Variants in SOX4 observed in about 807,000 individuals in gnomAD.
The protein encoded by SOX4 is SRY-box transcription factor 4, also known as transcription factor SOX-4.
For missense variants in SOX4, 662 were observed against 694.9 expected, an observed-to-expected ratio of 0.95 and a Z score of 0.53; for synonymous variants, 465 against 348.4, an observed-to-expected ratio of 1.33 and a Z score of -3.73.
rs144047729 is a variant in SOX4, at chr6:21,594,729, C to T, written c.195C>T (p.Ala65=). ...GGCACATCAAGCGACCCATGAACGCCTTCATGGTGTGGTCGCAGATCGAGC... is the reference window on the plus strand; with the variant it reads ...GGCACATCAAGCGACCCATGAACGCTTTCATGGTGTGGTCGCAGATCGAGC... The part of the protein sequence containing the change: ...PSGHIKRPMN[A]FMVWSQIERR... Residue 65 remains alanine (A), a synonymous_variant, in exon 1 of 1, where the codon GCC becomes GCT. Coordinates refer to ENST00000244745, the MANE Select transcript of SOX4 (RefSeq NM_003107.3). 8.8e-6 allele frequency: 14 copies of T among 1,595,786 alleles called. No homozygotes were observed. In the African/African-American group the frequency reaches 1.3e-4, roughly 15 times the overall value.
rs749184422 is a variant in SOX4, at chr6:21,594,683, G to C, written c.149G>C (p.Ser50Thr). 6.3e-7 allele frequency: 1 copy of C among 1,598,886 alleles called. No homozygotes were observed. The highest frequency in any genetic ancestry group is 8.5e-7 in the Non-Finnish European group (1 of 1,173,182). Residue 50 changes from serine to threonine, a missense_variant, in exon 1 of 1, where the codon AGC (serine) becomes ACC (threonine). Physicochemically the swap from Ser to Thr is moderately conservative, Grantham distance 58. Coordinates refer to ENST00000244745, the MANE Select transcript of SOX4 (RefSeq NM_003107.3). Reference protein sequence around the residue: ...ASTGGKADDPSWCKTPSGHIK... With the variant: ...ASTGGKADDPTWCKTPSGHIK... The stretch of plus-strand genomic sequence containing the variant: ...ACGGGCGGCAAGGCCGACGACCCGA[G>C]CTGGTGCAAGACCCCGAGTGGGCAC...
At position 21,594,431 on chromosome 6, in the gene SOX4, C is replaced by A; in HGVS notation, c.-104C>A. 1 of 1,307,926 alleles carries A rather than the reference C, an allele frequency of 7.6e-7. No homozygotes were observed. Among genetic ancestry groups the A allele is most frequent in the African/African-American group, 1.6e-5 (1 of 64,418 alleles). The allele number at this position is 1,307,926 out of a possible 1,614,324, so 81.0% of individuals were successfully genotyped here. A position where few individuals can be genotyped will look rare whatever the true frequency, so the allele number is the denominator to read the frequency against. ...CCAGTTCGGCCGCCGCGCGCGTCTT[C>A]CCGTTCGGCGTGTGCTTGGCCCGGG... On this transcript the variant is annotated 5_prime_UTR_variant, in exon 1 of 1. Coordinates refer to ENST00000244745, the MANE Select transcript of SOX4 (RefSeq NM_003107.3).
In SOX4 at chr6:21,595,343, C is replaced by A; in HGVS notation, c.809C>A (p.Ser270Tyr). 6.6e-7 allele frequency: 1 copy of A among 1,510,264 alleles called. No individual in the cohort carries two copies. The highest frequency in any genetic ancestry group is 8.8e-7 in the Non-Finnish European group (1 of 1,137,594). The allele number at this position is 1,510,264 out of a possible 1,614,324, so 93.6% of individuals were successfully genotyped here. The part of the protein sequence containing the change: ...YKARTPSASA[S>Y]ASSAASASAA... The stretch of plus-strand genomic sequence containing the variant: ...GCGCGGACTCCCAGCGCCTCGGCCT[C>A]CGCCTCCTCGGCAGCCTCGGCCTCC... The change falls in exon 1 of 1, where the codon TCC becomes TAC. Residue 270 changes from serine (S) to tyrosine (Y), a missense_variant. Physicochemically the swap from Ser to Tyr is moderately radical, Grantham distance 144 (BLOSUM62 -2). Transcript: ENST00000244745.
At position 21,595,009 on chromosome 6, in the gene SOX4, G is replaced by A. The variant is rs781461908; in HGVS notation, c.475G>A (p.Gly159Ser). The A allele has an allele frequency of 8.5e-6, 13 of 1,523,700 alleles. No homozygotes were observed. The highest frequency in any genetic ancestry group is 2.1e-5 in the Admixed American group (1 of 48,226). The allele number at this position is 1,523,700 out of a possible 1,614,324, so 94.4% of individuals were successfully genotyped here. ...SKPGEKGDKV[G>S]GSGGGGHGGG... ...GCCGGGGGAGAAGGGAGACAAGGTC[G>A]GTGGCAGTGGCGGGGGCGGCCATGG... is the stretch of plus-strand genomic sequence containing the variant. Residue 159 changes from glycine (G) to serine (S), a missense_variant, in exon 1 of 1, where the codon GGT becomes AGT. Transcript: ENST00000244745.
Position 21,596,016 on chromosome 6 carries a change from G to GA in SOX4, c.*64dup, listed in dbSNP as rs1763144297. 4.9e-6 allele frequency: 7 copies of GA among 1,428,674 alleles called. No individual in the cohort carries two copies. The highest frequency in any genetic ancestry group is 3.1e-5 in the Admixed American group (1 of 32,778). The allele number at this position is 1,428,674 out of a possible 1,614,324, so 88.5% of individuals were successfully genotyped here. ...GGGTAGGAGAGGAGAAAAAAAAAGT[G>GA]AAAAAAAGAAACGAAAAGGACAGAC... On this transcript the variant is annotated 3_prime_UTR_variant, in exon 1 of 1. Coordinates refer to ENST00000244745, the MANE Select transcript of SOX4 (RefSeq NM_003107.3).
Position 21,595,259 on chromosome 6 carries a change from C to CG in SOX4, c.730dup (p.Ala244GlyfsTer172). 7.6e-7 allele frequency: 1 copy of CG among 1,312,068 alleles called. No individual in the cohort carries two copies. Among genetic ancestry groups the CG allele is most frequent in the Non-Finnish European group, 9.7e-7 (1 of 1,034,828 alleles). The allele number at this position is 1,312,068 out of a possible 1,614,324, so 81.3% of individuals were successfully genotyped here. A position where few individuals can be genotyped will look rare whatever the true frequency, so the allele number is the denominator to read the frequency against. On this transcript the variant is annotated frameshift_variant, in exon 1 of 1. Coordinates refer to ENST00000244745, the MANE Select transcript of SOX4 (RefSeq NM_003107.3). LOFTEE classifies it low-confidence loss of function (END_TRUNC). ...GCCGCCTCCTTCGCCGCCGAACAGG[C>CG]GGGGGCCGCCGCCCTGCTGCCCCTG... is the stretch of plus-strand genomic sequence containing the variant.
rs1014196995 is a variant in SOX4, at chr6:21,595,067, G to C, written c.533G>C (p.Gly178Ala). The C allele has an allele frequency of 6.3e-5, 89 of 1,417,974 alleles. No individual in the cohort carries two copies. The highest frequency in any genetic ancestry group is 8.1e-5 in the Non-Finnish European group (88 of 1,092,666). 87.8% of individuals were successfully genotyped at this position (1,417,974 alleles called of 1,614,324 possible). A position where few individuals can be genotyped will look rare whatever the true frequency, so the allele number is the denominator to read the frequency against. The change falls in exon 1 of 1, where the codon GGG becomes GCG. Residue 178 changes from glycine to alanine, a missense_variant. Coordinates refer to ENST00000244745, the MANE Select transcript of SOX4 (RefSeq NM_003107.3). ...GGCGGCGGCGGGAGCAGCAACGCGGGGGGAGGAGGCGGCGGTGCGAGTGGC... is the reference window on the plus strand; with the variant it reads ...GGCGGCGGCGGGAGCAGCAACGCGGCGGGAGGAGGCGGCGGTGCGAGTGGC... ...GGGGGGSSNAGGGGGGASGGG... is the reference protein window; with the variant it reads ...GGGGGGSSNAAGGGGGASGGG...
In SOX4 at chr6:21,594,137, A is replaced by T; in HGVS notation, c.-398A>T. ...CTTCAGGGAAAAAGAAAAAAAAAAA[A>T]AAAAGACTTGCCTGGGAGGCCGCGA... On this transcript the variant is annotated 5_prime_UTR_variant, in exon 1 of 1. Coordinates refer to ENST00000244745, the MANE Select transcript of SOX4 (RefSeq NM_003107.3). 1 of 169,660 alleles carries T rather than the reference A, an allele frequency of 5.9e-6. No individual in the cohort carries two copies. 10.5% of individuals were successfully genotyped at this position (169,660 alleles called of 1,614,324 possible).
At position 21,595,237 on chromosome 6, in the gene SOX4, G is replaced by T; in HGVS notation, c.703G>T (p.Ala235Ser). 1 of 1,245,538 alleles carries T rather than the reference G, an allele frequency of 8.0e-7. No homozygotes were observed. The highest frequency in any genetic ancestry group is 1.0e-6 in the Non-Finnish European group (1 of 999,672). 77.2% of individuals were successfully genotyped at this position (1,245,538 alleles called of 1,614,324 possible). A position where few individuals can be genotyped will look rare whatever the true frequency, so the allele number is the denominator to read the frequency against. The change falls in exon 1 of 1, where the codon GCC becomes TCC. Residue 235 changes from alanine to serine, a missense_variant. Transcript: ENST00000244745. ...CGGGAAAGCAGCGGCTGCCGCCGCC[G>T]CCTCCTTCGCCGCCGAACAGGCGGG... is the stretch of plus-strand genomic sequence containing the variant. ...GGGKAAAAAA[A>S]SFAAEQAGAA... is the part of the protein sequence containing the mutation.
Position 21,595,440 on chromosome 6 carries a change from G to C in SOX4, c.906G>C (p.Leu302=). Residue 302 remains leucine (L), a synonymous_variant, in exon 1 of 1, where the codon CTG becomes CTC. Coordinates refer to ENST00000244745, the MANE Select transcript of SOX4 (RefSeq NM_003107.3). The part of the protein sequence containing the change: ...KVKRVYLFGG[L]GTSSSPVGGV... Reference sequence around the variant, plus strand: ...AGCGCGTCTACCTGTTCGGCGGCCTGGGCACGTCGTCGTCGCCCGTGGGCG... The same window carrying C: ...AGCGCGTCTACCTGTTCGGCGGCCTCGGCACGTCGTCGTCGCCCGTGGGCG... 2 of 1,513,344 alleles carry C rather than the reference G, an allele frequency of 1.3e-6. No individual in the cohort carries two copies. The highest frequency in any genetic ancestry group is 2.0e-5 in the Admixed American group (1 of 49,176). 93.7% of individuals were successfully genotyped at this position (1,513,344 alleles called of 1,614,324 possible).
In SOX4 at chr6:21,595,806, G is replaced by C. The variant is rs767288033; in HGVS notation, c.1272G>C (p.Ser424=). Residue 424 remains serine (S), a synonymous_variant, in exon 1 of 1, where the codon TCG becomes TCC. Transcript: ENST00000244745. ...FESMSLGSFS[S]SSALDRDLDF... is the part of the protein sequence containing the mutation. ...GCATGTCCCTGGGCAGCTTCAGTTC[G>C]TCGTCGGCGCTCGACCGGGACCTGG... The C allele has an allele frequency of 1.6e-5, 26 of 1,613,408 alleles. No individual in the cohort carries two copies. The highest frequency in any genetic ancestry group is 2.2e-5 in the Non-Finnish European group (26 of 1,180,006).
In SOX4 at chr6:21,596,046, A is replaced by G. The variant is rs571459101; in HGVS notation, c.*87A>G. 214 of 1,398,528 alleles carry G rather than the reference A, an allele frequency of 1.5e-4. No homozygotes were observed. The Admixed American group carries it at 1.6e-3, about 11-fold the overall frequency. 86.6% of individuals were successfully genotyped at this position (1,398,528 alleles called of 1,614,324 possible). The stretch of plus-strand genomic sequence containing the variant: ...AAAGAAACGAAAAGGACAGACGAAG[A>G]GTTTAAAGAGAAAAGGGAAAAAAGA... On this transcript the variant is annotated 3_prime_UTR_variant, in exon 1 of 1. Transcript: ENST00000244745.
chr6:21,596,003 AG>A lies in SOX4; in HGVS notation c.*45del. 6.9e-7 allele frequency: 1 copy of A among 1,442,360 alleles called. No homozygotes were observed. The highest frequency in any genetic ancestry group is 9.1e-7 in the Non-Finnish European group (1 of 1,096,512). 89.3% of individuals were successfully genotyped at this position (1,442,360 alleles called of 1,614,324 possible). ...GAAGGGCCGGGGGGGGTAGGAGAGG[AG>A]AAAAAAAAAGTGAAAAAAAGAAACG... On this transcript the variant is annotated 3_prime_UTR_variant, in exon 1 of 1. Coordinates refer to ENST00000244745, the MANE Select transcript of SOX4 (RefSeq NM_003107.3).
chr6:21,597,416 T>G lies in SOX4; in HGVS notation c.*1457T>G, dbSNP rs1436263896. 1.8e-5 allele frequency: 3 copies of G among 166,622 alleles called. No individual in the cohort carries two copies. The highest frequency in any genetic ancestry group is 2.9e-5 in the Non-Finnish European group (2 of 68,082). 10.3% of individuals were successfully genotyped at this position (166,622 alleles called of 1,614,324 possible). On this transcript the variant is annotated 3_prime_UTR_variant, in exon 1 of 1. Transcript: ENST00000244745. The stretch of plus-strand genomic sequence containing the variant: ...GATGCCATTTTATATGTGGACGTAT[T>G]TATACTGGCCAAACATATTTTTTCT...
In SOX4 at chr6:21,594,709, A is replaced by G; in HGVS notation, c.175A>G (p.Ile59Val). ...CTGGTGCAAGACCCCGAGTGGGCAC[A>G]TCAAGCGACCCATGAACGCCTTCAT... ...PSWCKTPSGH[I>V]KRPMNAFMVW... The change falls in exon 1 of 1, where the codon ATC becomes GTC. Residue 59 changes from isoleucine (I) to valine (V), a missense_variant. By Grantham distance (29) the Ile-to-Val change is conservative. Coordinates refer to ENST00000244745, the MANE Select transcript of SOX4 (RefSeq NM_003107.3). The G allele has an allele frequency of 6.3e-7, 1 of 1,596,322 alleles. No individual in the cohort carries two copies.
At position 21,594,489 on chromosome 6, in the gene SOX4, C is replaced by A; in HGVS notation, c.-46C>A. The A allele has an allele frequency of 4.4e-6, 6 of 1,363,350 alleles. No individual in the cohort carries two copies. The highest frequency in any genetic ancestry group is 5.6e-6 in the Non-Finnish European group (6 of 1,066,064). 84.5% of individuals were successfully genotyped at this position (1,363,350 alleles called of 1,614,324 possible). A position where few individuals can be genotyped will look rare whatever the true frequency, so the allele number is the denominator to read the frequency against. ...GAGGGCCCGGCGATCGCGCGGCGGC[C>A]GCCGCGAGGGTGTGAGCGCGCGTGG... On this transcript the variant is annotated 5_prime_UTR_variant, in exon 1 of 1. Coordinates refer to ENST00000244745, the MANE Select transcript of SOX4 (RefSeq NM_003107.3).
Position 21,595,173 on chromosome 6 carries a change from A to G in SOX4, c.639A>G (p.Lys213=), listed in dbSNP as rs1300832361. The change falls in exon 1 of 1, where the codon AAA becomes AAG. Residue 213 remains lysine, a synonymous_variant. Coordinates refer to ENST00000244745, the MANE Select transcript of SOX4 (RefSeq NM_003107.3). ...VAGGAGGGVS[K]PHAKLILAGG... ...GCGGCGCGGGCGGTGGGGTTAGCAA[A>G]CCGCACGCCAAGCTCATCCTGGCAG... 1 of 1,238,928 alleles carries G rather than the reference A, an allele frequency of 8.1e-7. No homozygotes were observed. Among genetic ancestry groups the G allele is most frequent in the Admixed American group, 4.5e-5 (1 of 22,128 alleles). 76.7% of individuals were successfully genotyped at this position (1,238,928 alleles called of 1,614,324 possible).
rs756892985 is a variant in SOX4 at position 21,597,238 on chromosome 6, C to T, written c.*1279C>T. 1.8e-5 allele frequency: 3 copies of T among 166,808 alleles called. No homozygotes were observed. Among genetic ancestry groups the T allele is most frequent in the Non-Finnish European group, 4.4e-5 (3 of 68,078 alleles). 10.3% of individuals were successfully genotyped at this position (166,808 alleles called of 1,614,324 possible). On this transcript the variant is annotated 3_prime_UTR_variant, in exon 1 of 1. Coordinates refer to ENST00000244745, the MANE Select transcript of SOX4 (RefSeq NM_003107.3). ...AACTCTTTAAAGGATTCAAACGCAA[C>T]TCAAATCTGTGCTGGACTTTAAAAA...
rs1469513982 is a variant in SOX4 at position 21,596,976 on chromosome 6, A to G, written c.*1017A>G. 6.1e-6 allele frequency: 1 copy of G among 163,624 alleles called. No homozygotes were observed. Among genetic ancestry groups the G allele is most frequent in the Non-Finnish European group, 1.5e-5 (1 of 67,302 alleles). 10.1% of individuals were successfully genotyped at this position (163,624 alleles called of 1,614,324 possible). A position where few individuals can be genotyped will look rare whatever the true frequency, so the allele number is the denominator to read the frequency against. On this transcript the variant is annotated 3_prime_UTR_variant, in exon 1 of 1. Coordinates refer to ENST00000244745, the MANE Select transcript of SOX4 (RefSeq NM_003107.3). ...AGTGGTTTCGGAAAAAAAAAAAGAA[A>G]AAAAGAAAAAAAAAGAAAAAAAAAA... is the stretch of plus-strand genomic sequence containing the variant.
Sources: allele counts gnomAD v4.1 joint callset, GRCh38; gene constraint gnomAD v4.1.1; transcripts MANE v1.5; gene names NCBI Gene and HGNC (gene_info 2026-07-23, HGNC 2026-07-21).